Variants in PDZRN4 observed in about 807,000 individuals in gnomAD.
The protein encoded by PDZRN4 is PDZ domain containing ring finger 4.
Under a neutral mutation model 99.0 loss-of-function variants are expected in PDZRN4, and 70 were observed. That is an observed-to-expected ratio of 0.71 (90% confidence interval 0.58 to 0.86). PDZRN4 has a LOEUF of 0.86. Ranked by LOEUF, PDZRN4 falls within the 40% of genes least tolerant of loss-of-function variation. The pLI is 0.00. For synonymous variants in PDZRN4, 551 were observed against 501.6 expected (o/e 1.10, Z -1.32); for missense variants, 1,474 against 1,331.2 (o/e 1.11, Z -1.67).
intron 3 of PDZRN4, among the ~76,000 whole-genome samples, chr12:41,362,336 A>G (rs1399027469): frequency 6.6e-6 from 1 of 151,986 alleles, no homozygotes; most frequent in African/African-American, 2.4e-5. Flanking sequence ...TTTGATCCAC[A>G]TTAGAGAAGA....
At chr12:41,530,947 A>G (rs1474401448) in intron 5 of PDZRN4, among the ~76,000 whole-genome samples, 1 of 152,024 alleles carries the variant, frequency 6.6e-6, no homozygotes, top group Non-Finnish European at 1.5e-5. Flanking sequence ...AGGGTAGCAT[A>G]CAGACCGGCA....
chr12:41,341,033 C>A (rs1951812248), intron 3 of PDZRN4, among the ~76,000 whole-genome samples: 1 of 151,788 alleles, frequency 6.6e-6, no homozygotes, highest in African/African-American at 2.4e-5. Flanking sequence ...GGAGATTTAT[C>A]CAGGGATTCA....
At chr12:41,316,343 T>C (rs566097425) in intron 3 of PDZRN4, among the ~76,000 whole-genome samples, 2 of 152,088 alleles carry the variant, frequency 1.3e-5, no homozygotes, top group Admixed American at 1.3e-4. Flanking sequence ...TCTTTCTTAA[T>C]AGTTGGAATG....
At chr12:41,514,376 C>A (rs190660834) in intron 5 of PDZRN4, among the ~76,000 whole-genome samples, 102 of 152,150 alleles carry the variant, frequency 6.7e-4, no homozygotes, top group Non-Finnish European at 1.0e-3. Context: ...TATATAATCT[C>A]TCTCTTACAT....
chr12:41,348,256 G>A (rs1362765505), intron 3 of PDZRN4, among the ~76,000 whole-genome samples: 1 of 152,098 alleles, frequency 6.6e-6, no homozygotes, highest in African/African-American at 2.4e-5. Context: ...GTGCTGTAGA[G>A]CAGCACTTCT....
intron 5 of PDZRN4, among the ~76,000 whole-genome samples, chr12:41,533,509 T>G (rs992461472): frequency 6.6e-6 from 1 of 152,176 alleles, no homozygotes; most frequent in Non-Finnish European, 1.5e-5. Flanking sequence ...TAACCCTCAT[T>G]ATTTATTGTG....
At chr12:41,423,432 G>GCTCCATCC (rs1952508301) in intron 3 of PDZRN4, among the ~76,000 whole-genome samples, 2 of 152,062 alleles carry the variant, frequency 1.3e-5, no homozygotes, top group African/African-American at 2.4e-5. Flanking sequence ...TTCTGAGAAT[G>GCTCCATCC]ATGGTTTCCA....
At chr12:41,546,778 A>G (rs987782855) in intron 5 of PDZRN4, among the ~76,000 whole-genome samples, 1 of 152,258 alleles carries the variant, frequency 6.6e-6, no homozygotes, top group Non-Finnish European at 1.5e-5. Flanking sequence ...CGAGAGAACA[A>G]AAGTGCTGGA....
At chr12:41,191,744 T>TTTTATTTATTTATTTATTTA (rs146409787) in intron 2 of PDZRN4, among the ~76,000 whole-genome samples, 200 bp downstream of exon 2, 1 of 121,278 alleles carries the variant, frequency 8.2e-6, no homozygotes, top group Non-Finnish European at 1.7e-5. Context: ...CATACCCAGA[T>TTTTATTTATTTATTTATTTA]TTTATTTATT....
At chr12:41,284,011 G>A (rs1951406041) in intron 3 of PDZRN4, among the ~76,000 whole-genome samples, 1 of 152,206 alleles carries the variant, frequency 6.6e-6, no homozygotes, top group South Asian at 2.1e-4. Flanking sequence ...TCTGGCCAGG[G>A]TAATCAGGCA....
At position 41,297,948 on chromosome 12, in the gene PDZRN4, CCT is replaced by C. The variant is rs139896043; in HGVS notation, c.843+103761_843+103762del. On this transcript the variant is annotated intron_variant, in intron 3 of 9. Transcript: ENST00000402685. ...AATTTCTAAGCAACCTAGAGAATCCCCTGTTTTAGACTTAGTGCTGTATTAAC... is the reference window on the plus strand; with the variant it reads ...AATTTCTAAGCAACCTAGAGAATCCCGTTTTAGACTTAGTGCTGTATTAAC... 6.5e-3 allele frequency among the ~76,000 whole-genome samples: 994 copies of C among 152,290 alleles called. 13 individuals carry two copies. Among genetic ancestry groups the C allele is most frequent in the African/African-American group, 0.021 (893 of 41,544 alleles).
chr12:41,380,778 T>A (rs1952119328), intron 3 of PDZRN4, among the ~76,000 whole-genome samples: 1 of 152,144 alleles, frequency 6.6e-6, no homozygotes, highest in African/African-American at 2.4e-5. Context: ...ACCATTACAG[T>A]ATTAAAGAAT....
chr12:41,362,332 C>T (rs1197995427), intron 3 of PDZRN4, among the ~76,000 whole-genome samples: 1 of 151,676 alleles, frequency 6.6e-6, no homozygotes, highest in African/African-American at 2.4e-5. Context: ...TTATTTTGAT[C>T]CACATTAGAG....
At chr12:41,229,371 G>T (rs1237155305) in intron 3 of PDZRN4, among the ~76,000 whole-genome samples, 1 of 151,816 alleles carries the variant, frequency 6.6e-6, no homozygotes, top group Non-Finnish European at 1.5e-5. Flanking sequence ...ACCAAAAATG[G>T]CAGGTTCAAG....
intron 3 of PDZRN4, among the ~76,000 whole-genome samples, chr12:41,244,899 C>G (rs189705252): frequency 1.4e-5 from 2 of 142,250 alleles, no homozygotes; most frequent in Non-Finnish European, 3.1e-5. Context: ...ACCTTGTTAG[C>G]CAGGATGGTC....
At chr12:41,367,949 A>G (rs1592030325) in intron 3 of PDZRN4, among the ~76,000 whole-genome samples, 1 of 152,222 alleles carries the variant, frequency 6.6e-6, no homozygotes, top group South Asian at 2.1e-4. Context: ...TGCTGAGAGA[A>G]CAGATGAAAC....
chr12:41,358,978 G>A (rs1442944434), intron 3 of PDZRN4, among the ~76,000 whole-genome samples: 1 of 151,828 alleles, frequency 6.6e-6, no homozygotes, highest in Admixed American at 6.6e-5. Context: ...ATGATTAAAG[G>A]TCTGGGATTG....
intron 3 of PDZRN4, among the ~76,000 whole-genome samples, chr12:41,439,561 T>C (rs1321147494): frequency 1.3e-5 from 2 of 152,160 alleles, no homozygotes; most frequent in African/African-American, 4.8e-5. Flanking sequence ...TCCAGCAGGA[T>C]TACTGCAGCC....
intron 3 of PDZRN4, among the ~76,000 whole-genome samples, chr12:41,453,672 T>C (rs1952793686): frequency 6.6e-6 from 1 of 152,172 alleles, no homozygotes; most frequent in South Asian, 2.1e-4. Flanking sequence ...CATCTTCTTG[T>C]CCCATTACAT....
Sources: gnomAD v4.1 joint callset for allele counts (sites outside exome capture counted in the v4.1 genomes callset) on GRCh38, gnomAD v4.1.1 for gene constraint, MANE v1.5 for transcripts, NCBI Gene and HGNC (gene_info 2026-07-23, HGNC 2026-07-21) for gene names.